Variants in GRID2 observed in about 807,000 individuals in gnomAD.
GRID2 encodes glutamate ionotropic receptor delta type subunit 2.
In GRID2, 33 loss-of-function variants were observed where a neutral mutation model predicts 114.8. The ratio of observed to expected loss-of-function variants is 0.29; its 90% CI spans 0.22 to 0.38. The LOEUF (loss-of-function observed/expected upper bound fraction) is 0.38, where lower values mean the gene tolerates loss of function less well. Ranked by LOEUF, GRID2 falls within the 10% of genes least tolerant of loss-of-function variation. The pLI, the probability that GRID2 is intolerant of heterozygous loss-of-function variation, is 1.00. For synonymous variants in GRID2, 505 were observed against 449.9 expected (o/e 1.12, Z -1.55); for missense variants, 1,184 against 1,257.7 (o/e 0.94, Z 0.89).
chr4:92,544,608 A>G (rs1279307173), intron 1 of GRID2, among the ~76,000 whole-genome samples: 1 of 152,214 alleles, frequency 6.6e-6, no homozygotes, highest in Non-Finnish European at 1.5e-5. Context: ...ACATATTAAA[A>G]GAGCACTGAC....
chr4:93,129,825 T>C (rs1368571936), intron 4 of GRID2, among the ~76,000 whole-genome samples: 1 of 152,030 alleles, frequency 6.6e-6, no homozygotes, highest in Non-Finnish European at 1.5e-5. Context: ...AAATTAGAAC[T>C]TACAACAAAT....
chr4:93,161,337 C>A (rs1204272224), intron 4 of GRID2, among the ~76,000 whole-genome samples: 1 of 151,748 alleles, frequency 6.6e-6, no homozygotes, highest in African/African-American at 2.4e-5. Context: ...ATTTTCCAGC[C>A]TCTCATCATT....
chr4:93,251,465 T>C (rs1359083236), intron 8 of GRID2, among the ~76,000 whole-genome samples: 1 of 152,210 alleles, frequency 6.6e-6, no homozygotes, highest in Non-Finnish European at 1.5e-5. Context: ...AACTGTATCA[T>C]GTTGAATTAA....
At chr4:93,339,456 G>A (rs1004816104) in intron 8 of GRID2, among the ~76,000 whole-genome samples, 6 of 152,086 alleles carry the variant, frequency 3.9e-5, no homozygotes, top group Non-Finnish European at 7.4e-5. Context: ...GAATGCCAAA[G>A]TTTGCCAGCC....
At chr4:93,316,339 A>AAGGAAG (rs1756645484) in intron 8 of GRID2, among the ~76,000 whole-genome samples, 9 of 54,958 alleles carry the variant, frequency 1.6e-4, no homozygotes, top group African/African-American at 5.4e-4. Flanking sequence ...AAAGAAAGAA[A>AAGGAAG]GAAGGAAGGA....
At chr4:93,474,849 T>C (rs569013285) in intron 11 of GRID2, among the ~76,000 whole-genome samples, 1 of 152,136 alleles carries the variant, frequency 6.6e-6, no homozygotes, top group Non-Finnish European at 1.5e-5. Flanking sequence ...GTTGTGAAGA[T>C]TAAATAAGAA....
At chr4:92,426,786 C>A (rs549280066) in intron 1 of GRID2, among the ~76,000 whole-genome samples, 3 of 152,132 alleles carry the variant, frequency 2.0e-5, no homozygotes, top group African/African-American at 7.2e-5. Context: ...CCTGAAGGGA[C>A]CTTCTCTCTC....
At chr4:93,699,007 G>A (rs537533923) in intron 14 of GRID2, among the ~76,000 whole-genome samples, 78 of 152,116 alleles carry the variant, frequency 5.1e-4, no homozygotes, top group Middle Eastern at 3.4e-3. Flanking sequence ...AATTACATGA[G>A]AAAGTAGGTA....
intron 9 of GRID2, among the ~76,000 whole-genome samples, chr4:93,408,965 A>G (rs1319752360): frequency 1.3e-5 from 2 of 152,190 alleles, no homozygotes; most frequent in Admixed American, 6.5e-5. Flanking sequence ...TTAAAACCTT[A>G]GATCAGCCAG....
intron 8 of GRID2, among the ~76,000 whole-genome samples, chr4:93,338,455 A>G (rs1224669294): frequency 1.3e-5 from 2 of 152,210 alleles, no homozygotes; most frequent in South Asian, 2.1e-4. Context: ...TGCCATATGG[A>G]TGCAATAGGT....
At chr4:92,458,408 T>G (rs1246438243) in intron 1 of GRID2, among the ~76,000 whole-genome samples, 2 of 152,158 alleles carry the variant, frequency 1.3e-5, no homozygotes, top group African/African-American at 4.8e-5. Context: ...ATCTGCACAA[T>G]TTAGGGATTA....
intron 1 of GRID2, among the ~76,000 whole-genome samples, chr4:92,438,253 A>G (rs2110353579): frequency 6.6e-6 from 1 of 152,306 alleles, no homozygotes; most frequent in South Asian, 2.1e-4. Flanking sequence ...ACACTAAACC[A>G]ACTATGTCAC....
chr4:92,703,783 G>T (rs912106176), intron 2 of GRID2, among the ~76,000 whole-genome samples: 3 of 151,786 alleles, frequency 2.0e-5, no homozygotes, highest in Non-Finnish European at 4.4e-5. Flanking sequence ...TATATTAACT[G>T]GTTACATTCT....
intron 1 of GRID2, among the ~76,000 whole-genome samples, chr4:92,316,033 G>A (rs968141789): frequency 2.8e-5 from 4 of 144,660 alleles, no homozygotes; most frequent in Non-Finnish European, 6.0e-5. Flanking sequence ...AACCCGTTCT[G>A]TTGTTCTGTT....
chr4:92,678,061 C>T (rs2149281799), intron 2 of GRID2, among the ~76,000 whole-genome samples: 1 of 152,184 alleles, frequency 6.6e-6, no homozygotes. Flanking sequence ...ATGTCCTGTC[C>T]TATAACTGTT....
At chr4:93,729,443 G>A (rs978093582) in intron 14 of GRID2, among the ~76,000 whole-genome samples, 1 of 152,072 alleles carries the variant, frequency 6.6e-6, no homozygotes, top group Non-Finnish European at 1.5e-5. Flanking sequence ...AGTGTCGTAT[G>A]TCTTCTTCAA....
At chr4:93,780,225 G>T (rs532189045) in intron 1 of GRID2, among the ~76,000 whole-genome samples, 2 of 152,322 alleles carry the variant, frequency 1.3e-5, no homozygotes, top group Admixed American at 1.3e-4. Context: ...TGACTGATTA[G>T]CTGGCATTTG....
Position 93,156,272 on chromosome 4 carries a change from A to G in GRID2, c.735+45319A>G, listed in dbSNP as rs1014245543. ...AGAAAAATAGAGAGGACTTACTTGAATACATATGAAAAATTAAAGATATGG... is the reference window on the plus strand; with the variant it reads ...AGAAAAATAGAGAGGACTTACTTGAGTACATATGAAAAATTAAAGATATGG... On this transcript the variant is annotated intron_variant, in intron 4 of 15. Coordinates refer to ENST00000282020, the MANE Select transcript of GRID2 (RefSeq NM_001510.4). 3.3e-5 allele frequency among the ~76,000 whole-genome samples: 5 copies of G among 152,030 alleles called. No homozygotes were observed. In the East Asian group the frequency reaches 5.8e-4, roughly 18 times the overall value.
Position 92,460,358 on chromosome 4 carries a change from C to A in GRID2, c.89-129773C>A, listed in dbSNP as rs183540268. Among the ~76,000 whole-genome samples, 996 of 151,870 alleles carry A rather than the reference C, an allele frequency of 6.6e-3. 9 individuals are homozygous for A. Among genetic ancestry groups the A allele is most frequent in the African/African-American group, 0.022 (915 of 41,420 alleles). ...AATTTACAGAGGGAATTCAGTGAAC[C>A]CTACAATGCTTCAGTTCTTCAGAAA... is the stretch of plus-strand genomic sequence containing the variant. On this transcript the variant is annotated intron_variant, in intron 1 of 15. Coordinates refer to ENST00000282020, the MANE Select transcript of GRID2 (RefSeq NM_001510.4).
Sources: gnomAD v4.1 joint callset for allele counts (sites outside exome capture counted in the v4.1 genomes callset) on GRCh38, gnomAD v4.1.1 for gene constraint, MANE v1.5 for transcripts, NCBI Gene and HGNC (gene_info 2026-07-23, HGNC 2026-07-21) for gene names.